Variants in ARL15 observed in about 807,000 individuals in gnomAD.
ARL15 encodes the protein ADP-ribosylation factor-like protein 15.
Under a neutral mutation model 25.2 loss-of-function variants are expected in ARL15, and 19 were observed. The observed-to-expected ratio is 0.75, with a 90% CI of 0.53 to 1.10. The LOEUF (loss-of-function observed/expected upper bound fraction) is 1.10. Ranked by LOEUF, ARL15 falls within the 50% of genes least tolerant of loss-of-function variation. The pLI is 0.00. For synonymous variants in ARL15, 94 were observed against 86.8 expected (o/e 1.08, Z -0.46); for missense variants, 220 against 246.0 (o/e 0.89, Z 0.71).
chr5:54,070,375 G>A (rs1751381581), intron 4 of ARL15, among the ~76,000 whole-genome samples: 1 of 151,612 alleles, frequency 6.6e-6, no homozygotes, highest in Non-Finnish European at 1.5e-5. Flanking sequence ...CTGGGCGACA[G>A]AGCGAGACTC....
chr5:54,212,803 A>G (rs1756082049), intron 1 of ARL15, among the ~76,000 whole-genome samples: 1 of 152,186 alleles, frequency 6.6e-6, no homozygotes, highest in Non-Finnish European at 1.5e-5. Flanking sequence ...GAGTGAATCT[A>G]CTGTTAGCTA....
At chr5:54,025,838 T>G (rs1255395119) in intron 4 of ARL15, among the ~76,000 whole-genome samples, 2 of 152,238 alleles carry the variant, frequency 1.3e-5, no homozygotes, top group African/African-American at 4.8e-5. Context: ...ATTGTGCATC[T>G]TCTTGGAACT....
At position 54,258,402 on chromosome 5, in the gene ARL15, A is replaced by G. The variant is rs375898303; in HGVS notation, c.48+52030T>C. Among the ~76,000 whole-genome samples the G allele has an allele frequency of 5.4e-4, 82 of 152,242 alleles. 1 individual carries two copies. The highest frequency in any genetic ancestry group is 1.9e-3 in the African/African-American group (77 of 41,544). On this transcript the variant is annotated intron_variant, in intron 1 of 4. Transcript: ENST00000504924. ...ACATCAAGTTTTCACATTATTCACG[A>G]GCTATGTCTGTCTAGCCCCATTTTT...
intron 1 of ARL15, among the ~76,000 whole-genome samples, chr5:54,249,513 T>A (rs774211248): frequency 6.6e-6 from 1 of 151,834 alleles, no homozygotes; most frequent in South Asian, 2.1e-4. Flanking sequence ...GGTAACCAAT[T>A]AACCTTGGGA....
rs1026137670 is a variant in ARL15, at chr5:54,000,522, T to A, written c.462+112680A>T. Among the ~76,000 whole-genome samples the A allele has an allele frequency of 2.0e-5, 3 of 152,242 alleles. No individual in the cohort carries two copies. In the South Asian group the frequency reaches 6.2e-4, roughly 32 times the overall value. On this transcript the variant is annotated intron_variant, in intron 4 of 4. Transcript: ENST00000504924. ...GTAACAACTGATGTAGAAAGATGTG[T>A]CATAAATATTAAGCCACCTTGGGTA...
intron 4 of ARL15, among the ~76,000 whole-genome samples, chr5:53,970,379 T>C (rs7712574): frequency 6.6e-6 from 1 of 152,176 alleles, no homozygotes; most frequent in Non-Finnish European, 1.5e-5. Flanking sequence ...ACCAAAATCA[T>C]GTTTTCTTTG....
At chr5:54,087,298 A>G (rs930482653) in intron 4 of ARL15, among the ~76,000 whole-genome samples, 8 of 152,122 alleles carry the variant, frequency 5.3e-5, no homozygotes, top group African/African-American at 1.9e-4. Context: ...ACTGCACTCC[A>G]GCCTGGGCGA....
At chr5:54,244,096 T>G (rs191098581) in intron 1 of ARL15, among the ~76,000 whole-genome samples, 40 of 152,346 alleles carry the variant, frequency 2.6e-4, no homozygotes, top group Admixed American at 7.8e-4. Context: ...AGTAATAATA[T>G]GAACGTTTCC....
At chr5:54,202,319 T>G (rs1755747926) in intron 1 of ARL15, among the ~76,000 whole-genome samples, 1 of 152,188 alleles carries the variant, frequency 6.6e-6, no homozygotes, top group Non-Finnish European at 1.5e-5. Context: ...TCAGCCGACC[T>G]TACAAATATT....
chr5:54,081,570 C>T (rs1390890878), intron 4 of ARL15, among the ~76,000 whole-genome samples: 1 of 152,110 alleles, frequency 6.6e-6, no homozygotes, highest in Non-Finnish European at 1.5e-5. Flanking sequence ...CCCCCATGCT[C>T]TTCTGGTAAT....
intron 1 of ARL15, among the ~76,000 whole-genome samples, chr5:54,289,382 A>G (rs1396079779): frequency 6.6e-6 from 1 of 151,720 alleles, no homozygotes; most frequent in Admixed American, 6.6e-5. Flanking sequence ...AAAAAGAGAG[A>G]ATGTGCAGGA....
chr5:54,163,734 A>G (rs999947355), intron 2 of ARL15, among the ~76,000 whole-genome samples: 1 of 151,954 alleles, frequency 6.6e-6, no homozygotes, highest in African/African-American at 2.4e-5. Context: ...TACTATTTAT[A>G]GAATCTATAT....
At chr5:54,292,185 C>T (rs1758351426) in intron 1 of ARL15, among the ~76,000 whole-genome samples, 1 of 152,144 alleles carries the variant, frequency 6.6e-6, no homozygotes, top group Admixed American at 6.5e-5. Context: ...TCTCCTTACC[C>T]CATCCCTAAA....
intron 1 of ARL15, among the ~76,000 whole-genome samples, chr5:54,177,523 T>C (rs540885386): frequency 6.6e-6 from 1 of 152,322 alleles, no homozygotes; most frequent in African/African-American, 2.4e-5. Flanking sequence ...AGCAAGATTA[T>C]CTTAAAATGT....
At chr5:53,991,998 C>T (rs938936024) in intron 4 of ARL15, among the ~76,000 whole-genome samples, 2 of 152,216 alleles carry the variant, frequency 1.3e-5, no homozygotes, top group African/African-American at 4.8e-5. Context: ...CGGGTATGCA[C>T]AACTTCTCAA....
intron 1 of ARL15, among the ~76,000 whole-genome samples, chr5:54,221,909 G>A (rs1214969549): frequency 1.3e-5 from 2 of 151,402 alleles, no homozygotes; most frequent in Admixed American, 6.6e-5. Context: ...CAGTGTGTGC[G>A]CACACATACA....
Position 53,964,420 on chromosome 5 carries a change from CG to C in ARL15, c.463-77708del, listed in dbSNP as rs569502458. Among the ~76,000 whole-genome samples, 19 of 152,176 alleles carry C rather than the reference CG, an allele frequency of 1.2e-4. 1 individual carries two copies. In the East Asian group the frequency reaches 3.5e-3, roughly 28 times the overall value. On this transcript the variant is annotated intron_variant, in intron 4 of 4. Coordinates refer to ENST00000504924, the MANE Select transcript of ARL15 (RefSeq NM_019087.3). ...TGTCCCCCATGCTGGAGTGCAGTGG[CG>C]TGATCTCGGCTCACTGCATGCTCCG... is the stretch of plus-strand genomic sequence containing the variant.
At chr5:54,041,486 G>A (rs1244733511) in intron 4 of ARL15, among the ~76,000 whole-genome samples, 1 of 152,162 alleles carries the variant, frequency 6.6e-6, no homozygotes, top group African/African-American at 2.4e-5. Context: ...TTATGGTTAA[G>A]CTAGAGGGAC....
chr5:53,915,724 A>T lies in ARL15; in HGVS notation c.463-29011T>A, dbSNP rs183586206. On this transcript the variant is annotated intron_variant, in intron 4 of 4. Coordinates refer to ENST00000504924, the MANE Select transcript of ARL15 (RefSeq NM_019087.3). ...CGAAAGGAAGAAATGTAAAATAAGCATCCCTGTCAAATTTACCCTTTTTCT... is the reference window on the plus strand; with the variant it reads ...CGAAAGGAAGAAATGTAAAATAAGCTTCCCTGTCAAATTTACCCTTTTTCT... Among the ~76,000 whole-genome samples the T allele has an allele frequency of 1.4e-4, 21 of 152,366 alleles. No individual in the cohort carries two copies. In the East Asian group the frequency reaches 3.9e-3, roughly 28 times the overall value.
Sources: gnomAD v4.1 joint callset for allele counts (sites outside exome capture counted in the v4.1 genomes callset) on GRCh38, gnomAD v4.1.1 for gene constraint, MANE v1.5 for transcripts, NCBI Gene and HGNC (gene_info 2026-07-23, HGNC 2026-07-21) for gene names.